CELF2: variants seen among roughly 807,000 people sequenced by gnomAD.
The protein encoded by CELF2 is CUGBP Elav-like family member 2.
A neutral mutation model predicts 62.6 loss-of-function variants in CELF2; 8 were observed. The observed-to-expected ratio is 0.13, with a 90% CI of 0.07 to 0.23. The LOEUF is 0.23. CELF2 is among the 10% of genes least tolerant of loss of function. CELF2 has a pLI of 1.00. For synonymous variants in CELF2, 258 were observed against 250.0 expected (o/e 1.03, Z -0.30); for missense variants, 333 against 671.0 (o/e 0.50, Z 5.56).
the CELF2 span, among the ~76,000 whole-genome samples, chr10:10,717,523 G>T: frequency 6.6e-6 from 1 of 151,958 alleles, no homozygotes. Context: ...TTTATATTTA[G>T]TTCTCTCTTC....
At chr10:10,605,682 G>A in the CELF2 span, among the ~76,000 whole-genome samples, 60 of 152,328 alleles carry the variant, frequency 3.9e-4, no homozygotes, top group African/African-American at 1.4e-3. Flanking sequence ...AAGCTGAGAA[G>A]AGTCCAGGAA....
At chr10:10,670,833 T>TCA in the CELF2 span, among the ~76,000 whole-genome samples, 38,835 of 151,912 alleles carry the variant, frequency 0.26, 5,253 homozygotes, top group South Asian at 0.43. Context: ...ATAGTTGAAA[T>TCA]CACAGTCTGT....
chr10:11,167,642 A>G (rs982382610), intron 2 of CELF2, among the ~76,000 whole-genome samples: 8 of 152,158 alleles, frequency 5.3e-5, no homozygotes, highest in African/African-American at 1.9e-4. Context: ...ACCAGCCTAT[A>G]TTTGATACTA....
the CELF2 span, among the ~76,000 whole-genome samples, chr10:10,516,038 A>C: frequency 6.6e-6 from 1 of 152,222 alleles, no homozygotes; most frequent in East Asian, 1.9e-4. Context: ...CATGGAAAGC[A>C]GATACTGGAC....
the CELF2 span, among the ~76,000 whole-genome samples, chr10:10,496,497 G>A: frequency 1.3e-5 from 2 of 152,096 alleles, no homozygotes; most frequent in African/African-American, 4.8e-5. Flanking sequence ...GCCCTAGTAT[G>A]GAACCTGGCA....
At chr10:10,774,648 G>A in the CELF2 span, among the ~76,000 whole-genome samples, 2 of 152,150 alleles carry the variant, frequency 1.3e-5, no homozygotes, top group Non-Finnish European at 2.9e-5. Flanking sequence ...AGATGGCGCA[G>A]TGCTTCCCGC....
rs1412647891 is a variant in CELF2, at chr10:11,075,441, G to A, written c.74+57278G>A. 6.6e-6 allele frequency: 1 copy of A among 152,074 alleles called. No homozygotes were observed. Among genetic ancestry groups the A allele is most frequent in the East Asian group, 1.9e-4 (1 of 5,192 alleles). 9.4% of individuals were successfully genotyped at this position (152,074 alleles called of 1,614,324 possible). A position where few individuals can be genotyped will look rare whatever the true frequency, so the allele number is the denominator to read the frequency against. ...CAGTAACGTATGGAGAGCAGTCCTG[G>A]TATACAGATACATGTACGATGTGAT... is the stretch of plus-strand genomic sequence containing the variant. On this transcript the variant is annotated intron_variant, in intron 1 of 12. Transcript: ENST00000633077. This position sits in a 1 kb window ranked among gnomAD's most constrained non-coding sequence, Gnocchi z 5.4.
In CELF2 at chr10:11,204,581, T is replaced by C. The variant is rs2059997850; in HGVS notation, c.272-12844T>C. Among the ~76,000 whole-genome samples, 9 of 152,192 alleles carry C rather than the reference T, an allele frequency of 5.9e-5. No individual in the cohort carries two copies. The South Asian group carries it at 1.9e-3, about 32-fold the overall frequency. On this transcript the variant is annotated intron_variant, in intron 2 of 12. Transcript: ENST00000633077. ...GGGGGGACCCAGGAAGCGTAAGAGG[T>C]AGCAGCCACCCGCAGAGAGCTGCAT...
intron 7 of CELF2, among the ~76,000 whole-genome samples, chr10:11,271,821 G>A (rs548793992): frequency 6.6e-6 from 1 of 152,160 alleles, no homozygotes; most frequent in South Asian, 2.1e-4. Context: ...GCTTTACTTT[G>A]TAGCAGAAGT....
the CELF2 span, among the ~76,000 whole-genome samples, chr10:10,741,861 A>G: frequency 6.6e-6 from 1 of 152,136 alleles, no homozygotes; most frequent in African/African-American, 2.4e-5. Context: ...TAATTTTATA[A>G]TCCATTTGGT....
chr10:10,540,723 C>T, the CELF2 span, among the ~76,000 whole-genome samples: 1 of 152,268 alleles, frequency 6.6e-6, no homozygotes, highest in South Asian at 2.1e-4. Flanking sequence ...CCATCTACTT[C>T]TACCAATAAT....
intron 1 of CELF2, among the ~76,000 whole-genome samples, chr10:10,877,598 T>C (rs2061188088): frequency 6.6e-6 from 1 of 152,228 alleles, no homozygotes; most frequent in South Asian, 2.1e-4. Flanking sequence ...CCACTTGACT[T>C]TTCTCTTTAG....
chr10:10,725,287 G>A, the CELF2 span, among the ~76,000 whole-genome samples: 1,003 of 152,216 alleles, frequency 6.6e-3, 3 homozygotes, highest in East Asian at 0.021. Context: ...TGTTCTTTCT[G>A]TCAAAGGAGG....
the CELF2 span, among the ~76,000 whole-genome samples, chr10:10,690,810 G>C: frequency 6.6e-6 from 1 of 152,128 alleles, no homozygotes; most frequent in East Asian, 1.9e-4. Flanking sequence ...AACTGGGGAG[G>C]CAGAGGTTGC....
intron 2 of CELF2, chr10:10,944,370 T>C (rs2047406034): frequency 1.3e-5 from 2 of 152,608 alleles, no homozygotes; most frequent in African/African-American, 4.8e-5. Flanking sequence ...TCTGAACTAG[T>C]CCACAGTCAT....
the CELF2 span, among the ~76,000 whole-genome samples, chr10:10,623,782 A>T: frequency 6.6e-6 from 1 of 152,182 alleles, no homozygotes. Flanking sequence ...TAAGTGCTTT[A>T]TATAATCTTA....
intron 1 of CELF2, among the ~76,000 whole-genome samples, chr10:10,817,740 G>C (rs1378681574): frequency 6.6e-6 from 1 of 152,306 alleles, no homozygotes; most frequent in Middle Eastern, 3.4e-3. Flanking sequence ...CAGTTAGGTG[G>C]CTTCCAAATC....
rs989101287 is a variant in CELF2 at position 10,938,365 on chromosome 10, G to A, written c.89+18366G>A. ...TACCAAAGGATTATCTTTAAATTTA[G>A]AGAATGAAAAATGCAAGAGCATTGT... On this transcript the variant is annotated intron_variant, in intron 2 of 13. Coordinates refer to the CELF2 transcript ENST00000636488. The surrounding 1 kb of genome is among the most constrained non-coding windows in gnomAD (Gnocchi z 4.2). Among the ~76,000 whole-genome samples, 2 of 152,216 alleles carry A rather than the reference G, an allele frequency of 1.3e-5. No homozygotes were observed. Among genetic ancestry groups the A allele is most frequent in the African/African-American group, 4.8e-5 (2 of 41,458 alleles).
chr10:10,760,105 T>A, the CELF2 span, among the ~76,000 whole-genome samples: 5 of 152,180 alleles, frequency 3.3e-5, no homozygotes, highest in Admixed American at 3.3e-4. Context: ...GGTTTCATCA[T>A]GTTGGCCAGG....
Sources: allele counts gnomAD v4.1 joint callset (sites outside exome capture counted in the v4.1 genomes callset), GRCh38; gene constraint gnomAD v4.1.1; non-coding constraint Gnocchi (gnomAD v3.1); transcripts MANE v1.5; gene names NCBI Gene and HGNC (gene_info 2026-07-23, HGNC 2026-07-21).